ZNF423: variants seen among roughly 807,000 people sequenced by gnomAD.
ZNF423 encodes zinc finger protein 423.
Under a neutral mutation model 95.8 loss-of-function variants are expected in ZNF423, and 12 were observed. That is an observed-to-expected ratio of 0.13 (90% CI 0.08 to 0.20). The LOEUF (loss-of-function observed/expected upper bound fraction) is 0.20. ZNF423 is among the 10% of genes least tolerant of loss of function. ZNF423 has a pLI of 1.00. For synonymous variants in ZNF423, 749 were observed against 711.9 expected (o/e 1.05, Z -0.83); for missense variants, 1,316 against 1,737.1 (o/e 0.76, Z 4.31).
chr16:49,522,833 G>C (rs961682204), intron 7 of ZNF423, among the ~76,000 whole-genome samples: 1 of 152,200 alleles, frequency 6.6e-6, no homozygotes, highest in African/African-American at 2.4e-5. Context: ...AGATTTTTCT[G>C]TGTACGTGTG....
At chr16:49,834,720 G>A (rs1252009161) in intron 1 of ZNF423, among the ~76,000 whole-genome samples, 3 of 152,176 alleles carry the variant, frequency 2.0e-5, no homozygotes, top group East Asian at 1.9e-4. Context: ...CTCGGAGCAC[G>A]CTGTGTGCCA....
chr16:49,726,546 T>C (rs1025991265), intron 3 of ZNF423, among the ~76,000 whole-genome samples: 3 of 152,202 alleles, frequency 2.0e-5, no homozygotes, highest in Admixed American at 6.5e-5. Context: ...TCACAAATTA[T>C]GACGTTATTT....
At chr16:49,773,737 C>T (rs76286432) in intron 2 of ZNF423, among the ~76,000 whole-genome samples, 2,067 of 152,326 alleles carry the variant, frequency 0.014, 108 homozygotes, top group East Asian at 0.12. Context: ...GGGCAAGATG[C>T]CTAGCCTCTC....
At chr16:49,739,633 G>C (rs1349830070) in intron 2 of ZNF423, among the ~76,000 whole-genome samples, 1 of 151,474 alleles carries the variant, frequency 6.6e-6, no homozygotes, top group Non-Finnish European at 1.5e-5. Flanking sequence ...GGTCCAGGAA[G>C]ATACCTACCA....
chr16:49,857,249 G>C (rs1232322321), upstream of ZNF423, among the ~76,000 whole-genome samples: 1 of 149,688 alleles, frequency 6.7e-6, no homozygotes, highest in Non-Finnish European at 1.5e-5. This position sits in a 1 kb window ranked among gnomAD's most constrained non-coding sequence, Gnocchi z 6.2. Flanking sequence ...CAACAGCACC[G>C]AGCGATGGAC....
chr16:49,799,642 C>A (rs973514411), intron 1 of ZNF423, among the ~76,000 whole-genome samples: 2 of 152,208 alleles, frequency 1.3e-5, no homozygotes, highest in African/African-American at 4.8e-5. Context: ...GAAGCAGACA[C>A]TAACCCCAGT....
chr16:49,575,618 T>C (rs1970473083), intron 5 of ZNF423, among the ~76,000 whole-genome samples: 2 of 152,234 alleles, frequency 1.3e-5, no homozygotes, highest in Middle Eastern at 3.4e-3. Context: ...CCCCAAGCTG[T>C]ATGGCTAGCA....
chr16:49,845,969 C>T (rs2035240918), intron 1 of ZNF423, among the ~76,000 whole-genome samples: 1 of 152,088 alleles, frequency 6.6e-6, no homozygotes, highest in Non-Finnish European at 1.5e-5. Flanking sequence ...GGGATTTGAG[C>T]TATTCACTGT....
rs140546879 is a variant in ZNF423, at chr16:49,503,165, G to A, written c.3850-11861C>T. ...TACTTTGGCCTTCTGTCTACCCTGT[G>A]CGGCTAATCTGCCCCACGTTCACCC... On this transcript the variant is annotated intron_variant, in intron 7 of 7. Coordinates refer to ENST00000563137, the MANE Select transcript of ZNF423 (RefSeq NM_001379286.1). Among the ~76,000 whole-genome samples, 551 of 152,092 alleles carry A rather than the reference G, an allele frequency of 3.6e-3. 3 individuals carry two copies. The highest frequency in any genetic ancestry group is 0.013 in the African/African-American group (528 of 41,478).
chr16:49,708,676 C>T (rs919261384), intron 3 of ZNF423, among the ~76,000 whole-genome samples: 10 of 152,226 alleles, frequency 6.6e-5, no homozygotes, highest in African/African-American at 2.4e-4. Context: ...AGGGACCCAA[C>T]ACGTGCTACC....
intron 5 of ZNF423, among the ~76,000 whole-genome samples, chr16:49,620,880 G>A (rs1387943950): frequency 6.6e-6 from 1 of 152,218 alleles, no homozygotes; most frequent in African/African-American, 2.4e-5. Context: ...CCCAGGGTGA[G>A]GTGCCATGTG....
chr16:49,807,022 GA>G (rs1387244081), intron 1 of ZNF423, among the ~76,000 whole-genome samples: 1 of 144,716 alleles, frequency 6.9e-6, no homozygotes, highest in Admixed American at 7.0e-5. Context: ...GCAAGACTCT[GA>G]CTCCAAAAAA....
intron 1 of ZNF423, among the ~76,000 whole-genome samples, chr16:49,849,797 T>G (rs1353191963): frequency 6.6e-6 from 1 of 152,246 alleles, no homozygotes; most frequent in Non-Finnish European, 1.5e-5. Context: ...ACTTGGTAAC[T>G]GAGCTCCGAC....
At chr16:49,504,803 C>G (rs1314894753) in intron 7 of ZNF423, among the ~76,000 whole-genome samples, 3 of 152,132 alleles carry the variant, frequency 2.0e-5, no homozygotes, top group African/African-American at 7.2e-5. Context: ...TGGGGCTGAG[C>G]CATCCACTGT....
intron 3 of ZNF423, among the ~76,000 whole-genome samples, chr16:49,694,693 G>T (rs565366979): frequency 6.6e-6 from 1 of 152,198 alleles, no homozygotes; most frequent in Non-Finnish European, 1.5e-5. Context: ...CCAAGGGAAA[G>T]GAAGGGAGGC....
intron 5 of ZNF423, among the ~76,000 whole-genome samples, chr16:49,588,931 A>G (rs751228624): frequency 2.0e-5 from 3 of 152,216 alleles, no homozygotes; most frequent in Non-Finnish European, 4.4e-5. Context: ...GCTGCTCTCC[A>G]ACAGAACTGG....
In ZNF423 at chr16:49,668,679, G is replaced by A. The variant is rs937775896; in HGVS notation, c.302-29805C>T. Among the ~76,000 whole-genome samples the A allele has an allele frequency of 3.3e-5, 5 of 152,136 alleles. No homozygotes were observed. The East Asian group carries it at 9.6e-4, about 29-fold the overall frequency. On this transcript the variant is annotated intron_variant, in intron 3 of 7. Coordinates refer to ENST00000563137, the MANE Select transcript of ZNF423 (RefSeq NM_001379286.1). ...GCCTCAGTACAGGGAGTAGGACCTG[G>A]GGAAACAGTTCCCGCTAACCCACTA... is the stretch of plus-strand genomic sequence containing the variant.
At chr16:49,758,252 C>T (rs893956076) in intron 2 of ZNF423, among the ~76,000 whole-genome samples, 11 of 152,326 alleles carry the variant, frequency 7.2e-5, no homozygotes, top group Admixed American at 7.2e-4. Context: ...GATTCTCCTG[C>T]CTCGGCCTCC....
At chr16:49,834,491 T>C (rs2035095267) in intron 1 of ZNF423, among the ~76,000 whole-genome samples, 1 of 151,862 alleles carries the variant, frequency 6.6e-6, no homozygotes. Flanking sequence ...CCAGCAGAGA[T>C]TTAGGGGAAG....
Sources: allele counts gnomAD v4.1 joint callset (sites outside exome capture counted in the v4.1 genomes callset), GRCh38; gene constraint gnomAD v4.1.1; non-coding constraint Gnocchi (gnomAD v3.1); transcripts MANE v1.5; gene names NCBI Gene and HGNC (gene_info 2026-07-23, HGNC 2026-07-21).